PRKCE: variants seen among roughly 807,000 people sequenced by gnomAD.
PRKCE encodes the protein protein kinase C epsilon type.
Under a neutral mutation model 85.4 loss-of-function variants are expected in PRKCE, and 16 were observed. The ratio of observed to expected loss-of-function variants is 0.19; its 90% CI spans 0.13 to 0.28. PRKCE has a LOEUF of 0.28. Ranked by LOEUF, PRKCE falls within the 10% of genes least tolerant of loss-of-function variation. The pLI, the probability that PRKCE is intolerant of heterozygous loss-of-function variation, is 1.00. For synonymous variants in PRKCE, 388 were observed against 371.5 expected (o/e 1.04, Z -0.51); for missense variants, 573 against 975.2 (o/e 0.59, Z 5.49).
intron 2 of PRKCE, among the ~76,000 whole-genome samples, chr2:45,880,448 C>G (rs1694797101): frequency 6.6e-6 from 1 of 152,208 alleles, no homozygotes; most frequent in Non-Finnish European, 1.5e-5. Context: ...ATGGAGGACT[C>G]ACTTTGAATG....
At position 45,698,940 on chromosome 2, in the gene PRKCE, A is replaced by G. The variant is rs545050245; in HGVS notation, c.348+46492A>G. Among the ~76,000 whole-genome samples the G allele has an allele frequency of 3.0e-4, 45 of 152,228 alleles. 1 individual carries two copies. The highest frequency in any genetic ancestry group is 9.4e-4 in the African/African-American group (39 of 41,522). On this transcript the variant is annotated intron_variant, in intron 1 of 14. Coordinates refer to ENST00000306156, the MANE Select transcript of PRKCE (RefSeq NM_005400.3). ...AAATTCACCATCAGTAGTAGGTTAAAATTTATGTATTGCCAAGGAGTGGTA... is the reference window on the plus strand; with the variant it reads ...AAATTCACCATCAGTAGTAGGTTAAGATTTATGTATTGCCAAGGAGTGGTA...
chr2:46,017,785 C>T (rs1057217359), intron 10 of PRKCE, among the ~76,000 whole-genome samples: 3 of 152,174 alleles, frequency 2.0e-5, no homozygotes, highest in African/African-American at 4.8e-5. Flanking sequence ...TTTTAATGTG[C>T]ATTTCCCTAG....
At chr2:45,743,988 T>TTG (rs545900547) in intron 1 of PRKCE, among the ~76,000 whole-genome samples, 2,473 of 84,016 alleles carry the variant, frequency 0.029, 71 homozygotes, top group African/African-American at 0.1. Context: ...GATTTGGCCG[T>TTG]TGTGTGTTTT....
intron 10 of PRKCE, among the ~76,000 whole-genome samples, chr2:46,056,341 G>A (rs747143422): frequency 6.6e-6 from 1 of 151,078 alleles, no homozygotes; most frequent in Admixed American, 6.6e-5. Context: ...TGTCCCAAAA[G>A]ACAGAAGCCA....
At chr2:46,030,321 C>T (rs769046334) in intron 10 of PRKCE, among the ~76,000 whole-genome samples, 11 of 152,196 alleles carry the variant, frequency 7.2e-5, no homozygotes, top group African/African-American at 1.2e-4. Context: ...CTGTCTAACC[C>T]CCAGGTCCTT....
intron 6 of PRKCE, among the ~76,000 whole-genome samples, chr2:45,992,756 G>C (rs994236045): frequency 6.6e-6 from 1 of 152,174 alleles, no homozygotes; most frequent in Non-Finnish European, 1.5e-5. Context: ...CCTGCCTTTT[G>C]CTTCAATCTC....
chr2:45,842,416 A>C (rs61763781), intron 1 of PRKCE, among the ~76,000 whole-genome samples: 31 of 152,022 alleles, frequency 2.0e-4, no homozygotes, highest in Admixed American at 2.0e-3. Context: ...GATAAACGCC[A>C]TAAAAGCAGG....
intron 10 of PRKCE, among the ~76,000 whole-genome samples, chr2:46,079,175 C>CA (rs11452307): frequency 0.55 from 68,684 of 125,814 alleles, 19,626 homozygotes; most frequent in East Asian, 0.9. Flanking sequence ...GACTCTGTCT[C>CA]AAAAAAAAAA....
At chr2:45,779,453 G>T (rs1686011058) in intron 1 of PRKCE, among the ~76,000 whole-genome samples, 1 of 152,116 alleles carries the variant, frequency 6.6e-6, no homozygotes, top group African/African-American at 2.4e-5. Context: ...GCCAGGTGTT[G>T]TGGGTTGAGG....
Position 45,652,530 on chromosome 2 carries a change from T to G in PRKCE, c.348+82T>G. On this transcript the variant is annotated intron_variant, in intron 1 of 14. Transcript: ENST00000306156. This position sits in a 1 kb window ranked among gnomAD's most constrained non-coding sequence, Gnocchi z 7.7. Reference sequence around the variant, plus strand: ...GACTCGCTGGTCTTGATCGTAGGGCTCCGGGACTTATTGACGACTGGGGTG... The same window carrying G: ...GACTCGCTGGTCTTGATCGTAGGGCGCCGGGACTTATTGACGACTGGGGTG... 7.6e-7 allele frequency: 1 copy of G among 1,323,158 alleles called. No individual in the cohort carries two copies. Among genetic ancestry groups the G allele is most frequent in the Non-Finnish European group, 1.0e-6 (1 of 983,176 alleles). The allele number at this position is 1,323,158 out of a possible 1,614,324, so 82.0% of individuals were successfully genotyped here.
intron 10 of PRKCE, among the ~76,000 whole-genome samples, chr2:46,062,982 C>T (rs1290407083): frequency 6.6e-6 from 1 of 152,208 alleles, no homozygotes; most frequent in Non-Finnish European, 1.5e-5. Flanking sequence ...TACAAATCTT[C>T]CAGTTTTCTC....
chr2:46,086,509 T>C, intron 11 of PRKCE, 147 bp downstream of exon 11: 1 of 893,092 alleles, frequency 1.1e-6, no homozygotes, highest in Non-Finnish European at 1.6e-6. Context: ...CAGAAGACTT[T>C]TTTGGGGGCT....
At chr2:46,154,764 C>A (rs1472696817) in intron 13 of PRKCE, among the ~76,000 whole-genome samples, 1 of 150,002 alleles carries the variant, frequency 6.7e-6, no homozygotes, top group African/African-American at 2.5e-5. Flanking sequence ...AAAACTAAAC[C>A]TTGTCCCCTT....
At chr2:45,744,281 G>A (rs942215323) in intron 1 of PRKCE, among the ~76,000 whole-genome samples, 14 of 152,168 alleles carry the variant, frequency 9.2e-5, no homozygotes, top group African/African-American at 3.1e-4. Context: ...ATCAAGTAGA[G>A]TGTGTGTAGG....
chr2:46,004,431 G>T lies in PRKCE; in HGVS notation c.967-111G>T. The T allele has an allele frequency of 1.1e-6, 1 of 901,614 alleles. No homozygotes were observed. Among genetic ancestry groups the T allele is most frequent in the East Asian group, 2.7e-5 (1 of 36,952 alleles). 55.9% of individuals were successfully genotyped at this position (901,614 alleles called of 1,614,324 possible). On this transcript the variant is annotated intron_variant, in intron 7 of 14. Coordinates refer to ENST00000306156, the MANE Select transcript of PRKCE (RefSeq NM_005400.3). The surrounding 1 kb of genome is among the most constrained non-coding windows in gnomAD (Gnocchi z 4.1). The stretch of plus-strand genomic sequence containing the variant: ...GAGGACAGAGATCTACTGAATTCCT[G>T]CTGCTCTGGGAACTCTCATGGCTCT...
chr2:46,054,999 C>T (rs1666426685), intron 10 of PRKCE, among the ~76,000 whole-genome samples: 1 of 152,190 alleles, frequency 6.6e-6, no homozygotes, highest in Non-Finnish European at 1.5e-5. Context: ...CCCCTTCCCA[C>T]TCAGAGTCAC....
rs146051715 is a variant in PRKCE at position 46,025,160 on chromosome 2, G to T, written c.1437+14643G>T. On this transcript the variant is annotated intron_variant, in intron 10 of 14. Transcript: ENST00000306156. ...AATGTTTACAAAAGAATTCACGAGA[G>T]AACTCCCGGGGTTGGCAAGATCCAT... Among the ~76,000 whole-genome samples the T allele has an allele frequency of 2.0e-5, 3 of 152,326 alleles. No homozygotes were observed. The East Asian group carries it at 5.8e-4, about 29-fold the overall frequency.
chr2:45,704,372 G>T (rs535170889), intron 1 of PRKCE, among the ~76,000 whole-genome samples: 8 of 152,136 alleles, frequency 5.3e-5, no homozygotes, highest in Non-Finnish European at 1.2e-4. Flanking sequence ...CCTGTCCAGG[G>T]ACTGGGCAAT....
At chr2:45,841,510 G>T (rs1386356756) in intron 1 of PRKCE, among the ~76,000 whole-genome samples, 1 of 152,228 alleles carries the variant, frequency 6.6e-6, no homozygotes, top group Non-Finnish European at 1.5e-5. Context: ...AACTTCTTCT[G>T]CCTGCTTTAT....
Sources: gnomAD v4.1 joint callset for allele counts (sites outside exome capture counted in the v4.1 genomes callset) on GRCh38, gnomAD v4.1.1 for gene constraint, Gnocchi (gnomAD v3.1) non-coding constraint, MANE v1.5 for transcripts, NCBI Gene and HGNC (gene_info 2026-07-23, HGNC 2026-07-21) for gene names.